The following ZNF713 variants were observed in gnomAD, a reference collection of about 807,000 sequenced individuals.
ZNF713 encodes the protein zinc finger protein 713.
In ZNF713, 21 loss-of-function variants were observed where a neutral mutation model predicts 28.7. The ratio of observed to expected loss-of-function variants is 0.73; its 90% CI spans 0.52 to 1.05. ZNF713 has a LOEUF of 1.05. Ranked by LOEUF, ZNF713 falls within the 50% of genes least tolerant of loss-of-function variation. The pLI is 0.00. For missense variants in ZNF713, 458 were observed against 532.4 expected (o/e 0.86, Z 1.37); for synonymous variants, 167 against 178.0 (o/e 0.94, Z 0.49).
At chr7:55,917,718 GA>G (rs1161130463) in intron 4 of ZNF713, among the ~76,000 whole-genome samples, 2 of 146,016 alleles carry the variant, frequency 1.4e-5, no homozygotes, top group Non-Finnish European at 3.0e-5. Context: ...AAAAAAAAAA[GA>G]AAAAAAATTT....
rs1785790915 is a variant in ZNF713 at position 55,911,881 on chromosome 7, G to A, written c.-190G>A. 6.6e-6 allele frequency: 1 copy of A among 152,154 alleles called. No individual in the cohort carries two copies. The highest frequency in any genetic ancestry group is 1.5e-5 in the Non-Finnish European group (1 of 68,034). 9.4% of individuals were successfully genotyped at this position (152,154 alleles called of 1,614,324 possible). ...ATGGGGCACCTTTAGTACCAGGGGAGTGACTGTTGCCCATAAGGTACTGGA... is the reference window on the plus strand; with the variant it reads ...ATGGGGCACCTTTAGTACCAGGGGAATGACTGTTGCCCATAAGGTACTGGA... On this transcript the variant is annotated 5_prime_UTR_variant, in exon 3 of 7. In the 5' UTR this introduces an upstream ATG that the reference lacks. Transcript: ENST00000429591.
chr7:55,906,083 C>G (rs1554335921), intron 1 of ZNF713, 170 bp from the exon 2 acceptor site: 1 of 146,828 alleles, frequency 6.8e-6, no homozygotes, highest in Non-Finnish European at 1.5e-5. Flanking sequence ...GCCCAGGCGA[C>G]AGTGCGAGAC....
chr7:55,909,033 T>TA (rs1212114684), intron 2 of ZNF713, among the ~76,000 whole-genome samples: 1 of 151,314 alleles, frequency 6.6e-6, no homozygotes. Flanking sequence ...CTGTCTCTAC[T>TA]AAAAAATACA....
rs548284079 is a variant in ZNF713, at chr7:55,923,340, C to T, written c.214+52C>T. 27 of 1,565,464 alleles carry T rather than the reference C, an allele frequency of 1.7e-5. No homozygotes were observed. In the African/African-American group the frequency reaches 3.4e-4, roughly 20 times the overall value. On this transcript the variant is annotated intron_variant, in intron 5 of 6. Transcript: ENST00000429591. ...GAAGCCGTTCACGTGGGTTTATTTC[C>T]TGAACTAGTAGAAGCCTGCAAAGTT...
intron 4 of ZNF713, among the ~76,000 whole-genome samples, chr7:55,921,355 T>A (rs1013341619): frequency 6.6e-6 from 1 of 152,228 alleles, no homozygotes; most frequent in East Asian, 1.9e-4. Flanking sequence ...TCAAGTCTTA[T>A]TATTTAAGAC....
chr7:55,927,822 C>T (rs972148029), intron 6 of ZNF713, among the ~76,000 whole-genome samples: 2 of 130,582 alleles, frequency 1.5e-5, no homozygotes, highest in Admixed American at 9.1e-5. Context: ...GCTTGAACCC[C>T]GGAGACGGAG....
intron 4 of ZNF713, among the ~76,000 whole-genome samples, chr7:55,917,579 C>G (rs775018609): frequency 5.9e-5 from 9 of 151,908 alleles, no homozygotes; most frequent in Non-Finnish European, 1.3e-4. Flanking sequence ...GTGGTGTGCA[C>G]CTGTAGTCCC....
Position 55,892,868 on chromosome 7 carries a change from T to TG in ZNF713, c.-583+5191dup, listed in dbSNP as rs1421641491. Among the ~76,000 whole-genome samples the TG allele has an allele frequency of 9.4e-3, 1,138 of 120,488 alleles. 12 individuals carry two copies. The highest frequency in any genetic ancestry group is 0.037 in the African/African-American group (1,034 of 27,994). The allele number at this position is 120,488 out of a possible 152,430, so 79.0% of individuals were successfully genotyped here. On this transcript the variant is annotated intron_variant, in intron 1 of 6. Coordinates refer to ENST00000429591, the MANE Select transcript of ZNF713 (RefSeq NM_182633.3). ...TCTGGGCAACAAGAGTGAAATTGTT[T>TG]GGGAAAAAAAAAAAAAAAAAGGCGG...
rs757937472 is a variant in ZNF713, at chr7:55,939,403, C to G, written c.729C>G (p.Ile243Met). Residue 243 changes from isoleucine (I) to methionine (M), a missense_variant, in exon 7 of 7, where the codon ATC becomes ATG. Coordinates refer to ENST00000429591, the MANE Select transcript of ZNF713 (RefSeq NM_182633.3). The stretch of plus-strand genomic sequence containing the variant: ...ATGAATATAGTGAGTGTGGAAAAAT[C>G]TTCAATCAACATATTCTTCTTACTG... ...TPYEYSECGK[I>M]FNQHILLTDH... 1.2e-6 allele frequency: 2 copies of G among 1,613,710 alleles called. No homozygotes were observed. The highest frequency in any genetic ancestry group is 1.7e-6 in the Non-Finnish European group (2 of 1,179,992).
At chr7:55,909,030 T>C (rs1192507971) in intron 2 of ZNF713, among the ~76,000 whole-genome samples, 2 of 151,730 alleles carry the variant, frequency 1.3e-5, no homozygotes, top group African/African-American at 4.8e-5. Context: ...ACCCTGTCTC[T>C]ACTAAAAAAT....
At chr7:55,938,317 C>T (rs1254212168) in intron 6 of ZNF713, among the ~76,000 whole-genome samples, 1 of 151,286 alleles carries the variant, frequency 6.6e-6, no homozygotes, top group Non-Finnish European at 1.5e-5. Flanking sequence ...TTGTGGGAAA[C>T]TAAAATGAAA....
chr7:55,900,771 A>G (rs565897418), intron 1 of ZNF713, among the ~76,000 whole-genome samples: 3 of 152,316 alleles, frequency 2.0e-5, no homozygotes, highest in East Asian at 3.9e-4. Flanking sequence ...TTAGTGATCT[A>G]TTACACAGAA....
At chr7:55,920,731 T>C (rs1324242220) in intron 4 of ZNF713, among the ~76,000 whole-genome samples, 1 of 152,176 alleles carries the variant, frequency 6.6e-6, no homozygotes, top group Non-Finnish European at 1.5e-5. Flanking sequence ...AACAGCCTTA[T>C]ATTGGAAGAA....
intron 2 of ZNF713, among the ~76,000 whole-genome samples, chr7:55,910,681 A>G (rs1161143621): frequency 1.3e-5 from 2 of 152,024 alleles, no homozygotes; most frequent in African/African-American, 4.8e-5. Context: ...TTTTTTGTAG[A>G]GACAGGGCCT....
chr7:55,921,746 T>C (rs1042671426), intron 4 of ZNF713, among the ~76,000 whole-genome samples: 18 of 152,192 alleles, frequency 1.2e-4, no homozygotes, highest in African/African-American at 4.1e-4. Context: ...ATGACAATAG[T>C]GGATTTAGAA....
chr7:55,937,000 C>T (rs1786363800), intron 6 of ZNF713, among the ~76,000 whole-genome samples: 1 of 152,134 alleles, frequency 6.6e-6, no homozygotes, highest in African/African-American at 2.4e-5. Flanking sequence ...TTGTTAGAAA[C>T]TAAACTGCAG....
intron 6 of ZNF713, among the ~76,000 whole-genome samples, chr7:55,934,195 A>G (rs991476122): frequency 6.6e-6 from 1 of 152,054 alleles, no homozygotes; most frequent in Non-Finnish European, 1.5e-5. Flanking sequence ...CTTTTTTTGA[A>G]TCTTGGACCC....
At chr7:55,894,770 G>A (rs941565996) in intron 1 of ZNF713, among the ~76,000 whole-genome samples, 1 of 152,090 alleles carries the variant, frequency 6.6e-6, no homozygotes, top group Admixed American at 6.5e-5. Flanking sequence ...AATAAGTTTT[G>A]GTTATTGCAT....
chr7:55,920,321 T>C, intron 4 of ZNF713, among the ~76,000 whole-genome samples: 1 of 152,250 alleles, frequency 6.6e-6, no homozygotes, highest in East Asian at 1.9e-4. Context: ...AGCCAAGTCA[T>C]GTGTACAAAG....
Sources: allele counts gnomAD v4.1 joint callset (sites outside exome capture counted in the v4.1 genomes callset), GRCh38; gene constraint gnomAD v4.1.1; transcripts MANE v1.5; gene names NCBI Gene and HGNC (gene_info 2026-07-23, HGNC 2026-07-21).